The following SLC44A5 variants were observed in gnomAD, a reference collection of about 807,000 sequenced individuals.
SLC44A5 encodes the protein choline transporter-like protein 5.
In SLC44A5, 57 loss-of-function variants were observed where a neutral mutation model predicts 101.8. The observed-to-expected ratio is 0.56, with a 90% CI of 0.45 to 0.70. The LOEUF is 0.70. Ranked by LOEUF, SLC44A5 falls within the 30% of genes least tolerant of loss-of-function variation. The pLI is 0.00. For missense variants in SLC44A5, 737 were observed against 853.1 expected (o/e 0.86, Z 1.70); for synonymous variants, 281 against 290.9 (o/e 0.97, Z 0.35).
chr1:75,238,329 T>C (rs1045768859), intron 10 of SLC44A5, among the ~76,000 whole-genome samples, 184 bp downstream of exon 10: 1 of 148,634 alleles, frequency 6.7e-6, no homozygotes, highest in African/African-American at 2.5e-5. Flanking sequence ...CTCCCTTACA[T>C]GTTCTTCTTA....
the SLC44A5 span, among the ~76,000 whole-genome samples, chr1:75,668,485 C>T: frequency 5.3e-5 from 8 of 150,686 alleles, no homozygotes; most frequent in Admixed American, 4.0e-4. Flanking sequence ...ACACCATGCC[C>T]GGTTAATTTT....
chr1:75,560,479 G>A (rs1026972081), intron 1 of SLC44A5, among the ~76,000 whole-genome samples: 10 of 152,080 alleles, frequency 6.6e-5, no homozygotes, highest in African/African-American at 2.4e-4. Context: ...TTTCTTTTAG[G>A]GGAGACAAAA....
intron 3 of SLC44A5, chr1:75,357,054 T>C (rs757024289): frequency 1.3e-5 from 5 of 391,220 alleles, no homozygotes; most frequent in Non-Finnish European, 2.1e-5. Flanking sequence ...GGCACATCGT[T>C]GCATTTCCTA....
intron 5 of SLC44A5, among the ~76,000 whole-genome samples, chr1:75,294,746 G>A (rs773425397): frequency 2.0e-5 from 3 of 152,136 alleles, no homozygotes; most frequent in Non-Finnish European, 4.4e-5. Context: ...AGTGAACCTA[G>A]AGGACATTAT....
intron 3 of SLC44A5, chr1:75,354,075 GC>G: frequency 3.6e-6 from 1 of 280,732 alleles, no homozygotes. Flanking sequence ...ATATAAGTTA[GC>G]AGAGGGATTT....
intron 7 of SLC44A5, among the ~76,000 whole-genome samples, chr1:75,243,717 G>A: frequency 6.6e-6 from 1 of 152,150 alleles, no homozygotes; most frequent in African/African-American, 2.4e-5. Context: ...TACTGGTATA[G>A]TTTGGTTATT....
chr1:75,231,112 T>G (rs1390416819), intron 12 of SLC44A5, among the ~76,000 whole-genome samples: 2 of 152,170 alleles, frequency 1.3e-5, no homozygotes, highest in Non-Finnish European at 2.9e-5. Context: ...CATTTGTTTA[T>G]TTTGGCAGTC....
chr1:75,565,938 T>C (rs1286239421), intron 1 of SLC44A5, among the ~76,000 whole-genome samples: 1 of 152,206 alleles, frequency 6.6e-6, no homozygotes, highest in Non-Finnish European at 1.5e-5. Flanking sequence ...CTTATTAATA[T>C]TGAAGGTGTT....
the SLC44A5 span, among the ~76,000 whole-genome samples, chr1:75,696,614 G>A: frequency 2.6e-5 from 4 of 152,156 alleles, no homozygotes; most frequent in Non-Finnish European, 5.9e-5. Flanking sequence ...GGTGAACATC[G>A]GCCAGGTGCG....
In SLC44A5 at chr1:75,336,443, C is replaced by T. The variant is rs548928702; in HGVS notation, c.101+3139G>A. On this transcript the variant is annotated intron_variant, in intron 4 of 23. Transcript: ENST00000370859. ...TTCTGGGATTACAGGCATGATCCACCGTGCCCGGCCAGAATATGATTATTT... is the reference window on the plus strand; with the variant it reads ...TTCTGGGATTACAGGCATGATCCACTGTGCCCGGCCAGAATATGATTATTT... Among the ~76,000 whole-genome samples the T allele has an allele frequency of 5.3e-5, 8 of 152,252 alleles. No homozygotes were observed. In the South Asian group the frequency reaches 6.2e-4, roughly 12 times the overall value.
chr1:75,521,266 G>A (rs1473296915), intron 2 of SLC44A5, among the ~76,000 whole-genome samples: 6 of 152,186 alleles, frequency 3.9e-5, no homozygotes, highest in Admixed American at 2.6e-4. Context: ...TTAAAATGCA[G>A]TCAAAACAAG....
chr1:75,503,966 T>C (rs1412505675), intron 2 of SLC44A5, among the ~76,000 whole-genome samples: 1 of 152,218 alleles, frequency 6.6e-6, no homozygotes, highest in Non-Finnish European at 1.5e-5. Flanking sequence ...TACATTTTGC[T>C]GCTTAGTTAT....
At chr1:75,669,081 T>C in the SLC44A5 span, among the ~76,000 whole-genome samples, 1 of 151,630 alleles carries the variant, frequency 6.6e-6, no homozygotes, top group Non-Finnish European at 1.5e-5. Context: ...AGACACAATC[T>C]TTTCAATTAA....
At chr1:75,356,953 T>C (rs921295241) in intron 3 of SLC44A5, among the ~76,000 whole-genome samples, 4 of 152,172 alleles carry the variant, frequency 2.6e-5, no homozygotes, top group Non-Finnish European at 5.9e-5. Flanking sequence ...GGCTATACCA[T>C]CTAGATTTGT....
intron 5 of SLC44A5, among the ~76,000 whole-genome samples, chr1:75,282,840 G>A (rs1652716053): frequency 6.6e-6 from 1 of 152,158 alleles, no homozygotes; most frequent in African/African-American, 2.4e-5. Flanking sequence ...CAGCCATGCT[G>A]AACTGTGAGT....
At chr1:75,540,206 CTG>C (rs1158485140) in intron 2 of SLC44A5, among the ~76,000 whole-genome samples, 3 of 152,188 alleles carry the variant, frequency 2.0e-5, no homozygotes, top group Non-Finnish European at 2.9e-5. Flanking sequence ...TTCTCAGGCA[CTG>C]TGCCAATTTA....
At chr1:75,614,520 C>G (rs548915679), upstream of SLC44A5, among the ~76,000 whole-genome samples, 1 of 152,168 alleles carries the variant, frequency 6.6e-6, no homozygotes, top group South Asian at 2.1e-4. Flanking sequence ...AGCAAGCTGA[C>G]GCGCCAAGAT....
At chr1:75,627,533 A>T in the SLC44A5 span, among the ~76,000 whole-genome samples, 1 of 151,878 alleles carries the variant, frequency 6.6e-6, no homozygotes, top group Non-Finnish European at 1.5e-5. Context: ...TTTTTTTTTA[A>T]ATATCCAGGC....
intron 2 of SLC44A5, among the ~76,000 whole-genome samples, chr1:75,480,509 G>C (rs1667771516): frequency 6.6e-6 from 1 of 152,144 alleles, no homozygotes; most frequent in Admixed American, 6.5e-5. Context: ...AAACCCCATT[G>C]TCTCAGCCCA....
Sources: allele counts gnomAD v4.1 joint callset (sites outside exome capture counted in the v4.1 genomes callset), GRCh38; gene constraint gnomAD v4.1.1; transcripts MANE v1.5; gene names NCBI Gene and HGNC (gene_info 2026-07-23, HGNC 2026-07-21).